Variants in PPP2R2C observed in about 807,000 individuals in gnomAD.
PPP2R2C encodes protein phosphatase 2, regulatory subunit B, gamma.
In PPP2R2C, 10 loss-of-function variants were observed where a neutral mutation model predicts 45.3. The observed-to-expected ratio is 0.22, with a 90% confidence interval of 0.14 to 0.37. The LOEUF (loss-of-function observed/expected upper bound fraction) is 0.37. Among genes scored for constraint, PPP2R2C ranks in the 10% least tolerant of loss-of-function variants. The pLI is 1.00. For synonymous variants in PPP2R2C, 257 were observed against 245.4 expected (o/e 1.05, Z -0.44); for missense variants, 308 against 619.7 (o/e 0.50, Z 5.34).
At chr4:6,382,587 T>G in intron 1 of PPP2R2C, 10 of 1,253,080 alleles carry the variant, frequency 8.0e-6, no homozygotes, top group Admixed American at 2.0e-5. Flanking sequence ...AGCTCTATTG[T>G]TCACTTGCTC....
intron 1 of PPP2R2C, among the ~76,000 whole-genome samples, chr4:6,461,671 A>G (rs796540767): frequency 1.6e-4 from 23 of 142,946 alleles, no homozygotes; most frequent in African/African-American, 5.2e-4. Context: ...ATAAACTTCT[A>G]TGACATCAAG....
At chr4:6,416,038 G>A (rs1718556100) in intron 1 of PPP2R2C, among the ~76,000 whole-genome samples, 1 of 152,164 alleles carries the variant, frequency 6.6e-6, no homozygotes, top group Non-Finnish European at 1.5e-5. Flanking sequence ...GTTCCTAGCA[G>A]TCCCTGCTGT....
In PPP2R2C at chr4:6,330,700, TG is replaced by T. The variant is rs756127501; in HGVS notation, c.961-1348del. On this transcript the variant is annotated intron_variant, in intron 7 of 8. Coordinates refer to ENST00000382599, the MANE Select transcript of PPP2R2C (RefSeq NM_020416.4). The surrounding 1 kb of genome is among the most constrained non-coding windows in gnomAD (Gnocchi z 7.0). ...TCTTTCTCAGTCTCTATCCCCATCC[TG>T]TTGGTTCTGTTTCTCTGAGCCATCT... is the stretch of plus-strand genomic sequence containing the variant. Among the ~76,000 whole-genome samples the T allele has an allele frequency of 2.0e-5, 3 of 152,212 alleles. No individual in the cohort carries two copies. Among genetic ancestry groups the T allele is most frequent in the Non-Finnish European group, 4.4e-5 (3 of 68,030 alleles).
At chr4:6,418,190 C>T (rs957579728) in intron 1 of PPP2R2C, among the ~76,000 whole-genome samples, 1 of 152,138 alleles carries the variant, frequency 6.6e-6, no homozygotes, top group South Asian at 2.1e-4. Flanking sequence ...AACTGCTCTG[C>T]AAGGAGAGTG....
chr4:6,422,811 T>C (rs1224933518), intron 1 of PPP2R2C, among the ~76,000 whole-genome samples: 1 of 152,230 alleles, frequency 6.6e-6, no homozygotes, highest in Non-Finnish European at 1.5e-5. Context: ...GGTTAGGACT[T>C]CAACATGTGA....
intron 1 of PPP2R2C, among the ~76,000 whole-genome samples, chr4:6,424,469 C>T (rs1719167356): frequency 1.3e-5 from 2 of 152,220 alleles, no homozygotes; most frequent in South Asian, 2.1e-4. Flanking sequence ...TGAGCCATGT[C>T]GGGGCACTGA....
chr4:6,399,119 C>T (rs1239634207), intron 1 of PPP2R2C, among the ~76,000 whole-genome samples: 1 of 152,178 alleles, frequency 6.6e-6, no homozygotes, highest in African/African-American at 2.4e-5. Flanking sequence ...ACACAGAGAA[C>T]AGGAAACGTT....
intron 1 of PPP2R2C, among the ~76,000 whole-genome samples, chr4:6,399,373 A>T (rs1717263517): frequency 6.6e-6 from 1 of 152,234 alleles, no homozygotes; most frequent in African/African-American, 2.4e-5. Context: ...TAATCCCCTC[A>T]ACGTAATCGA....
intron 2 of PPP2R2C, among the ~76,000 whole-genome samples, chr4:6,531,400 A>C (rs12503917): frequency 0.64 from 97,208 of 152,008 alleles, 33,306 homozygotes; most frequent in East Asian, 0.86. Flanking sequence ...CAGGAAGACC[A>C]CCAAGTGTGC....
intron 1 of PPP2R2C, among the ~76,000 whole-genome samples, chr4:6,458,506 C>T (rs760891487): frequency 1.3e-5 from 2 of 152,210 alleles, no homozygotes; most frequent in Non-Finnish European, 2.9e-5. Flanking sequence ...CCCTCACAAC[C>T]TCATCACTCC....
At chr4:6,533,260 T>C (rs1724466636) in intron 2 of PPP2R2C, among the ~76,000 whole-genome samples, 1 of 152,010 alleles carries the variant, frequency 6.6e-6, no homozygotes, top group Non-Finnish European at 1.5e-5. Flanking sequence ...GTAATACAAG[T>C]TGGTCACAGC....
intron 6 of PPP2R2C, 136 bp downstream of exon 6, chr4:6,347,710 G>T: frequency 8.6e-7 from 1 of 1,169,532 alleles, no homozygotes; most frequent in African/African-American, 1.5e-5. Flanking sequence ...AGCAGCAATG[G>T]GCCCACCCAC....
chr4:6,550,681 G>A (rs762939786), intron 1 of PPP2R2C, among the ~76,000 whole-genome samples: 29 of 152,194 alleles, frequency 1.9e-4, no homozygotes, highest in Non-Finnish European at 3.5e-4. Context: ...TTGTTCCCCA[G>A]GCTGGAGTAC....
intron 5 of PPP2R2C, among the ~76,000 whole-genome samples, chr4:6,358,095 G>C (rs896180150): frequency 1.3e-5 from 2 of 152,126 alleles, no homozygotes; most frequent in Admixed American, 6.5e-5. Flanking sequence ...ATGCTACAAA[G>C]CTACAGTAAC....
rs570632021 is a variant in PPP2R2C at position 6,502,261 on chromosome 4, C to G, written c.49+33010G>C. 1.2e-4 allele frequency among the ~76,000 whole-genome samples: 18 copies of G among 152,350 alleles called. No individual in the cohort carries two copies. The South Asian group carries it at 2.1e-3, about 18-fold the overall frequency. On this transcript the variant is annotated intron_variant, in intron 2 of 9. Coordinates refer to the PPP2R2C transcript ENST00000506140. ...CCGTCAAGCCAAGCCACAACTGAGC[C>G]TAACTTGAAGTCCACAGGGGCTTTC...
At chr4:6,525,900 CACCATGTTGGCCAGG>C (rs1447573353) in intron 2 of PPP2R2C, among the ~76,000 whole-genome samples, 32 of 152,272 alleles carry the variant, frequency 2.1e-4, no homozygotes, top group Middle Eastern at 3.4e-3. Context: ...TACAGCGTTT[CACCATGTTGGCCAGG>C]CTGGTCTCGA....
At chr4:6,429,860 T>C (rs754682006) in intron 1 of PPP2R2C, among the ~76,000 whole-genome samples, 7 of 151,388 alleles carry the variant, frequency 4.6e-5, no homozygotes, top group Non-Finnish European at 8.9e-5. Flanking sequence ...AGGTGTGGCA[T>C]GGGGGCCAGC....
intron 1 of PPP2R2C, among the ~76,000 whole-genome samples, chr4:6,404,981 T>C (rs965013600): frequency 2.0e-5 from 3 of 152,186 alleles, no homozygotes; most frequent in African/African-American, 7.2e-5. Flanking sequence ...ATAAGAACCA[T>C]GGACGTGACC....
intron 2 of PPP2R2C, among the ~76,000 whole-genome samples, chr4:6,518,644 C>T (rs1357480189): frequency 6.6e-6 from 1 of 152,034 alleles, no homozygotes; most frequent in Non-Finnish European, 1.5e-5. Context: ...AGAAATGGCC[C>T]AGGTGTGGTG....
Sources: allele counts gnomAD v4.1 joint callset (sites outside exome capture counted in the v4.1 genomes callset), GRCh38; gene constraint gnomAD v4.1.1; non-coding constraint Gnocchi (gnomAD v3.1); transcripts MANE v1.5; gene names NCBI Gene and HGNC (gene_info 2026-07-23, HGNC 2026-07-21).